The following TEX15 variants were observed in gnomAD, a reference collection of about 807,000 sequenced individuals.
TEX15 encodes testis expressed 15, meiosis and synapsis associated.
A neutral mutation model predicts 237.3 loss-of-function variants in TEX15; 171 were observed. The observed-to-expected ratio is 0.72, with a 90% confidence interval of 0.64 to 0.82. The LOEUF is 0.82. Ranked by LOEUF, TEX15 falls within the 40% of genes least tolerant of loss-of-function variation. The probability of loss-of-function intolerance (pLI) is 0.00; values close to 1 mark genes in which losing one functional copy is unlikely to be tolerated. For synonymous variants in TEX15, 1,338 were observed against 1,269.8 expected, an observed-to-expected ratio of 1.05 and a Z score of -1.14; for missense variants, 3,750 against 3,646.5, an observed-to-expected ratio of 1.03 and a Z score of -0.73.
rs1807646356 is a variant in TEX15 at position 30,847,439 on chromosome 8, T to C, written c.2728A>G (p.Ile910Val). ...AATTCTTCAGAACTCAAAATTTCTA[T>C]ATTGTGGTAATTTTTGTCCTCCTTT... ...DEKEDKNYHN[I>V]EILSSEEFST... The change falls in exon 8 of 11, where the codon ATA becomes GTA. Residue 910 changes from isoleucine to valine, a missense_variant. Transcript: ENST00000643185. The C allele has an allele frequency of 2.5e-6, 4 of 1,611,562 alleles. No homozygotes were observed. The highest frequency in any genetic ancestry group is 3.4e-6 in the Non-Finnish European group (4 of 1,179,466).
chr8:30,884,601 G>C (rs73570257), intron 3 of TEX15, among the ~76,000 whole-genome samples: 1,932 of 152,200 alleles, frequency 0.013, 42 homozygotes, highest in African/African-American at 0.045. Flanking sequence ...ATTTCATCTA[G>C]GTCACCAAAT....
intron 5 of TEX15, among the ~76,000 whole-genome samples, chr8:30,863,179 A>T (rs1263411607): frequency 6.6e-6 from 1 of 152,240 alleles, no homozygotes; most frequent in East Asian, 1.9e-4. Context: ...TATACTTACC[A>T]GTTGATCATC....
At chr8:30,851,347 T>C (rs1200822461) in intron 7 of TEX15, among the ~76,000 whole-genome samples, 1 of 152,208 alleles carries the variant, frequency 6.6e-6, no homozygotes, top group Non-Finnish European at 1.5e-5. Flanking sequence ...TGGATTAATA[T>C]GGCCGGGCAA....
At chr8:30,853,243 C>T (rs189778879) in intron 7 of TEX15, among the ~76,000 whole-genome samples, 157 of 152,206 alleles carry the variant, frequency 1.0e-3, no homozygotes, top group African/African-American at 3.4e-3. Context: ...TAGGTAAAAT[C>T]GTCAAGGAAA....
Position 30,887,200 on chromosome 8 carries a change from T to C in TEX15, c.103A>G (p.Thr35Ala), listed in dbSNP as rs1324722804. 17 of 1,534,910 alleles carry C rather than the reference T, an allele frequency of 1.1e-5. No homozygotes were observed. The highest frequency in any genetic ancestry group is 1.5e-5 in the Non-Finnish European group (17 of 1,146,604). The change falls in exon 3 of 11, where the codon ACC (threonine) becomes GCC (alanine). Residue 35 changes from threonine to alanine, a missense_variant. By Grantham distance (58) the Thr-to-Ala change is moderately conservative. Coordinates refer to ENST00000643185, the MANE Select transcript of TEX15 (RefSeq NM_001350162.2). ...GCTGTCCTCCTGATCTTAGGAATGG[T>C]GAATTTCTTCAAAGGATTGACTTCA... ...TREVNPLKKF[T>A]IPKIRRTAEK... is the part of the protein sequence containing the mutation.
chr8:30,832,976 C>T lies in TEX15; in HGVS notation c.*310G>A, dbSNP rs530590485. On this transcript the variant is annotated 3_prime_UTR_variant, in exon 11 of 11. Transcript: ENST00000643185. ...GCTTTCAGCTCAAATGGCACAATGC[C>T]ATCAACAATGTATTGAAACATATCA... is the stretch of plus-strand genomic sequence containing the variant. The T allele has an allele frequency of 4.7e-5, 9 of 191,760 alleles. No individual in the cohort carries two copies. In the East Asian group the frequency reaches 9.9e-4, roughly 21 times the overall value. The allele number at this position is 191,760 out of a possible 1,614,324, so 11.9% of individuals were successfully genotyped here.
chr8:30,882,230 T>G (rs949351401), intron 3 of TEX15, among the ~76,000 whole-genome samples: 1 of 152,206 alleles, frequency 6.6e-6, no homozygotes, highest in Non-Finnish European at 1.5e-5. Flanking sequence ...CCAAGTGTCT[T>G]TGGAGATTTA....
rs1354212069 is a variant in TEX15 at position 30,833,138 on chromosome 8, T to C, written c.*148A>G. 1 of 588,916 alleles carries C rather than the reference T, an allele frequency of 1.7e-6. No homozygotes were observed. The highest frequency in any genetic ancestry group is 2.9e-5 in the East Asian group (1 of 33,912). The allele number at this position is 588,916 out of a possible 1,614,324, so 36.5% of individuals were successfully genotyped here. ...GATGTCCTATATGATATGTGTTAGA[T>C]TATTTGTATATTTTACAAAGGACCA... is the stretch of plus-strand genomic sequence containing the variant. On this transcript the variant is annotated 3_prime_UTR_variant, in exon 11 of 11. Coordinates refer to ENST00000643185, the MANE Select transcript of TEX15 (RefSeq NM_001350162.2).
chr8:30,893,463 T>G (rs533874585), intron 2 of TEX15, among the ~76,000 whole-genome samples: 23 of 152,374 alleles, frequency 1.5e-4, no homozygotes, highest in Non-Finnish European at 3.2e-4. Flanking sequence ...CCCATCTGAT[T>G]CTTATGCTAT....
chr8:30,910,665 G>A (rs1809197669), intron 1 of TEX15, among the ~76,000 whole-genome samples: 1 of 140,900 alleles, frequency 7.1e-6, no homozygotes, highest in Admixed American at 7.7e-5. Flanking sequence ...GCCCCAGGCT[G>A]GTCTTGAACT....
chr8:30,898,647 T>C (rs917259542), intron 2 of TEX15, 95 bp downstream of exon 2: 9 of 152,216 alleles, frequency 5.9e-5, no homozygotes, highest in African/African-American at 1.9e-4. Context: ...ATCTTCTTTA[T>C]TGCCGAATTA....
chr8:30,852,254 C>T (rs183184910), intron 7 of TEX15, among the ~76,000 whole-genome samples: 41 of 151,612 alleles, frequency 2.7e-4, no homozygotes, highest in South Asian at 4.2e-4. Flanking sequence ...TACAGGCGTC[C>T]GCCACCACGC....
At chr8:30,882,920 T>C (rs1808559799) in intron 3 of TEX15, among the ~76,000 whole-genome samples, 3 of 152,090 alleles carry the variant, frequency 2.0e-5, no homozygotes, top group South Asian at 4.1e-4. Context: ...CACAGGCACA[T>C]GTCACCATGG....
rs1294994509 is a variant in TEX15, at chr8:30,847,832, T to C, written c.2335A>G (p.Ile779Val). 3 of 1,613,808 alleles carry C rather than the reference T, an allele frequency of 1.9e-6. No homozygotes were observed. Among genetic ancestry groups the C allele is most frequent in the Admixed American group, 3.3e-5 (2 of 59,998 alleles). The change falls in exon 8 of 11, where the codon ATT (isoleucine) becomes GTT (valine). Residue 779 changes from isoleucine to valine, a missense_variant. Coordinates refer to ENST00000643185, the MANE Select transcript of TEX15 (RefSeq NM_001350162.2). ...TTATAAGATGAAATAACTGTATCAA[T>C]GAACATTTCTTTGGCCTGGGGTATG... ...KDIPQAKEMF[I>V]DTVISSYNIE...
intron 1 of TEX15, among the ~76,000 whole-genome samples, chr8:30,905,048 C>T (rs979006669): frequency 2.0e-5 from 3 of 152,094 alleles, no homozygotes; most frequent in Admixed American, 1.3e-4. Flanking sequence ...TAACAACTAG[C>T]AATTCATGTG....
intron 1 of TEX15, among the ~76,000 whole-genome samples, chr8:30,901,491 GAGTCA>G (rs2128779171): frequency 6.6e-6 from 1 of 152,292 alleles, no homozygotes; most frequent in South Asian, 2.1e-4. Context: ...AAGTGACAAG[GAGTCA>G]AGTCTGTAAC....
Position 30,848,442 on chromosome 8 carries a change from C to T in TEX15, c.1725G>A (p.Glu575=). 4 of 1,614,138 alleles carry T rather than the reference C, an allele frequency of 2.5e-6. No homozygotes were observed. Among genetic ancestry groups the T allele is most frequent in the Non-Finnish European group, 3.4e-6 (4 of 1,180,004 alleles). Residue 575 remains glutamate (E), a synonymous_variant, in exon 8 of 11, where the codon GAG becomes GAA. Transcript: ENST00000643185. ...AGTCCTGAAAAATGTGACTACTGTACTCTTTTGTATAAGCATTACCGGACT... is the reference window on the plus strand; with the variant it reads ...AGTCCTGAAAAATGTGACTACTGTATTCTTTTGTATAAGCATTACCGGACT... ...QQESGNAYTK[E]YSSHIFQDSQ... is the part of the protein sequence containing the mutation.
chr8:30,850,143 G>T (rs1042880013), intron 7 of TEX15, among the ~76,000 whole-genome samples: 1 of 152,014 alleles, frequency 6.6e-6, no homozygotes, highest in African/African-American at 2.4e-5. Context: ...AACCCAAAAA[G>T]TTCCATAAAA....
intron 3 of TEX15, among the ~76,000 whole-genome samples, chr8:30,880,851 T>C (rs1808504797): frequency 6.6e-6 from 1 of 152,182 alleles, no homozygotes; most frequent in East Asian, 1.9e-4. Context: ...ATAAGTCAAA[T>C]GAACAATTGT....
Sources: gnomAD v4.1 joint callset for allele counts (sites outside exome capture counted in the v4.1 genomes callset) on GRCh38, gnomAD v4.1.1 for gene constraint, MANE v1.5 for transcripts, NCBI Gene and HGNC (gene_info 2026-07-23, HGNC 2026-07-21) for gene names.